THADA: variants seen among roughly 807,000 people sequenced by gnomAD.
The protein encoded by THADA is THADA armadillo repeat containing, also known as tRNA (32-2'-O)-methyltransferase regulator THADA.
THADA carries 213 observed loss-of-function variants against 219.8 expected under a neutral mutation model. That is an observed-to-expected ratio of 0.97 (90% confidence interval 0.87 to 1.09). The LOEUF (loss-of-function observed/expected upper bound fraction) is 1.09, where lower values mean the gene tolerates loss of function less well. Among genes scored for constraint, THADA ranks in the 50% least tolerant of loss-of-function variants. The pLI, the probability that THADA is intolerant of heterozygous loss-of-function variation, is 0.00. For missense variants in THADA, 2,956 were observed against 2,311.3 expected, an observed-to-expected ratio of 1.28 and a Z score of -5.72; for synonymous variants, 1,018 against 828.9, an observed-to-expected ratio of 1.23 and a Z score of -3.92.
At chr2:43,330,538 C>G (rs1344089656) in intron 30 of THADA, among the ~76,000 whole-genome samples, 1 of 152,180 alleles carries the variant, frequency 6.6e-6, no homozygotes, top group African/African-American at 2.4e-5. Context: ...TCCTGCCAGG[C>G]CAGCGCACTG....
rs527867902 is a variant in THADA, at chr2:43,552,473, A to C, written c.2675-134T>G. ...ACTAGAGTTTTTTAATCAAAAAGAG[A>C]TCTTTCAGGGTTATCCAACAGGGTG... is the stretch of plus-strand genomic sequence containing the variant. On this transcript the variant is annotated intron_variant, in intron 17 of 37. Coordinates refer to ENST00000405975, the MANE Select transcript of THADA (RefSeq NM_022065.5). The C allele has an allele frequency of 9.1e-6, 9 of 990,630 alleles. No individual in the cohort carries two copies. The African/African-American group carries it at 1.3e-4, about 14-fold the overall frequency. 61.4% of individuals were successfully genotyped at this position (990,630 alleles called of 1,614,324 possible).
chr2:43,426,534 T>A (rs1254159209), intron 28 of THADA, among the ~76,000 whole-genome samples: 3 of 152,080 alleles, frequency 2.0e-5, no homozygotes, highest in Non-Finnish European at 4.4e-5. Flanking sequence ...CTAAAATGAA[T>A]CACCAAATGC....
intron 28 of THADA, among the ~76,000 whole-genome samples, chr2:43,424,978 T>C (rs6544658): frequency 0.33 from 49,689 of 152,116 alleles, 8,487 homozygotes; most frequent in Non-Finnish European, 0.38. Flanking sequence ...TGTACTCAGA[T>C]ACAGCAGCTG....
intron 30 of THADA, among the ~76,000 whole-genome samples, chr2:43,337,309 A>C (rs1485548985): frequency 1.3e-5 from 2 of 152,246 alleles, no homozygotes; most frequent in African/African-American, 4.8e-5. Flanking sequence ...CGTTTGACTT[A>C]TCTGTTAACT....
chr2:43,360,992 C>T (rs1669451497), intron 29 of THADA, among the ~76,000 whole-genome samples: 1 of 148,664 alleles, frequency 6.7e-6, no homozygotes, highest in African/African-American at 2.4e-5. Context: ...TTAGTTGTCA[C>T]AACTGAAAGG....
intron 26 of THADA, among the ~76,000 whole-genome samples, chr2:43,448,526 A>G (rs1289878543): frequency 2.0e-5 from 3 of 150,562 alleles, no homozygotes; most frequent in African/African-American, 7.3e-5. Flanking sequence ...GCAACTTGCA[A>G]GGAATTTAAA....
intron 22 of THADA, among the ~76,000 whole-genome samples, chr2:43,526,536 T>A (rs1693188348): frequency 6.6e-6 from 1 of 152,198 alleles, no homozygotes. Context: ...CCTATCCCCA[T>A]TGCTTTCTCT....
chr2:43,255,486 T>C (rs1461181174), intron 36 of THADA, among the ~76,000 whole-genome samples: 1 of 152,184 alleles, frequency 6.6e-6, no homozygotes, highest in Non-Finnish European at 1.5e-5. Flanking sequence ...TGACTTTCAT[T>C]GTTTTTCACT....
chr2:43,286,813 G>T, intron 35 of THADA, 95 bp downstream of exon 35: 2 of 1,409,844 alleles, frequency 1.4e-6, no homozygotes, highest in Non-Finnish European at 2.0e-6. Context: ...CAGGTGTCAT[G>T]TTGCCATCTT....
chr2:43,437,066 C>CA (rs1680213604), intron 26 of THADA, among the ~76,000 whole-genome samples: 2 of 152,198 alleles, frequency 1.3e-5, no homozygotes, highest in Admixed American at 6.5e-5. Flanking sequence ...TATTTTTGCA[C>CA]ACCCTGTGGT....
intron 22 of THADA, among the ~76,000 whole-genome samples, chr2:43,517,823 G>A (rs1691918684): frequency 6.6e-6 from 1 of 152,040 alleles, no homozygotes; most frequent in Non-Finnish European, 1.5e-5. Flanking sequence ...ATTTCCCAGG[G>A]AGCAAAAAAT....
chr2:43,518,134 T>C (rs1691961211), intron 22 of THADA, among the ~76,000 whole-genome samples: 1 of 152,216 alleles, frequency 6.6e-6, no homozygotes, highest in African/African-American at 2.4e-5. Flanking sequence ...TTCCTTCCTG[T>C]TATTTCTCTA....
At chr2:43,387,211 G>A (rs1408257452) in intron 29 of THADA, among the ~76,000 whole-genome samples, 1 of 152,066 alleles carries the variant, frequency 6.6e-6, no homozygotes, top group Non-Finnish European at 1.5e-5. Flanking sequence ...GTCATTTTCC[G>A]AAGCTTCCTT....
chr2:43,278,216 G>A (rs573505713), intron 36 of THADA, among the ~76,000 whole-genome samples: 4 of 152,210 alleles, frequency 2.6e-5, no homozygotes, highest in African/African-American at 9.6e-5. Context: ...CTCCCAAAGT[G>A]CTGAGATTAC....
intron 26 of THADA, among the ~76,000 whole-genome samples, chr2:43,437,274 T>C (rs1467303406): frequency 1.3e-5 from 2 of 152,218 alleles, no homozygotes; most frequent in Admixed American, 1.3e-4. Context: ...TAAGATAAGA[T>C]AAAGTCTGTA....
chr2:43,452,624 T>C (rs1682483304), intron 26 of THADA, among the ~76,000 whole-genome samples: 1 of 152,188 alleles, frequency 6.6e-6, no homozygotes, highest in South Asian at 2.1e-4. Flanking sequence ...TTTGGTTGTA[T>C]GGCAGTCTCT....
chr2:43,434,500 A>C (rs1180775052), intron 26 of THADA, among the ~76,000 whole-genome samples: 1 of 152,122 alleles, frequency 6.6e-6, no homozygotes, highest in Admixed American at 6.5e-5. Flanking sequence ...AGACCCTAGC[A>C]CGCAGGCACA....
chr2:43,570,559 A>G (rs1009627879), intron 13 of THADA, 49 bp from the exon 14 acceptor site: 1 of 1,569,348 alleles, frequency 6.4e-7, no homozygotes, highest in African/African-American at 1.4e-5. Context: ...CATTAAATTT[A>G]AATGTCAGCC....
chr2:43,265,270 G>A (rs1436943494), intron 36 of THADA, among the ~76,000 whole-genome samples: 3 of 152,218 alleles, frequency 2.0e-5, no homozygotes, highest in Non-Finnish European at 2.9e-5. Context: ...CCTGGGCCTC[G>A]TGGGTGCCGA....
Sources: gnomAD v4.1 joint callset for allele counts (sites outside exome capture counted in the v4.1 genomes callset) on GRCh38, gnomAD v4.1.1 for gene constraint, MANE v1.5 for transcripts, NCBI Gene and HGNC (gene_info 2026-07-23, HGNC 2026-07-21) for gene names.